The following AGBL1 variants were observed in gnomAD, a reference collection of about 807,000 sequenced individuals.
The protein encoded by AGBL1 is AGBL carboxypeptidase 1, also known as cytosolic carboxypeptidase 4.
AGBL1 carries 130 observed loss-of-function variants against 118.9 expected under a neutral mutation model. The ratio of observed to expected loss-of-function variants is 1.09; its 90% CI spans 0.95 to 1.26. The LOEUF is 1.26. Among genes scored for constraint, AGBL1 ranks in the 50% most tolerant of loss-of-function variants. AGBL1 has a pLI of 0.00. For missense variants in AGBL1, 1,584 were observed against 1,298.1 expected, an observed-to-expected ratio of 1.22 and a Z score of -3.38; for synonymous variants, 555 against 478.9, an observed-to-expected ratio of 1.16 and a Z score of -2.08.
chr15:86,997,639 A>G (rs1287266797), intron 24 of AGBL1, among the ~76,000 whole-genome samples: 8 of 152,090 alleles, frequency 5.3e-5, no homozygotes, highest in Admixed American at 2.6e-4. Flanking sequence ...TTTATGATTG[A>G]TTGATGTGCT....
intron 16 of AGBL1, among the ~76,000 whole-genome samples, chr15:86,290,851 C>A (rs1017850007): frequency 1.3e-5 from 2 of 151,922 alleles, no homozygotes; most frequent in African/African-American, 4.8e-5. Flanking sequence ...TCCCCCGACC[C>A]CACAACAGTC....
intron 17 of AGBL1, among the ~76,000 whole-genome samples, chr15:86,389,067 T>G (rs866115447): frequency 6.6e-5 from 10 of 152,194 alleles, no homozygotes; most frequent in Admixed American, 1.3e-4. Context: ...TAATAACTGA[T>G]ATAGCTTTTG....
chr15:86,679,370 A>G (rs1286181058), intron 22 of AGBL1, among the ~76,000 whole-genome samples: 1 of 152,034 alleles, frequency 6.6e-6, no homozygotes, highest in East Asian at 1.9e-4. Flanking sequence ...ATTTTTCACT[A>G]CATTGCTTCT....
chr15:86,183,666 C>T (rs1444389731), intron 5 of AGBL1, among the ~76,000 whole-genome samples: 1 of 152,126 alleles, frequency 6.6e-6, no homozygotes, highest in East Asian at 1.9e-4. Flanking sequence ...TTTCCTTGAA[C>T]TAATTTGTTT....
chr15:86,383,772 C>T (rs931707152), intron 17 of AGBL1, among the ~76,000 whole-genome samples: 14 of 152,118 alleles, frequency 9.2e-5, no homozygotes, highest in Admixed American at 3.3e-4. Flanking sequence ...AACTCTGTCC[C>T]GGAGCCCAGA....
intron 22 of AGBL1, among the ~76,000 whole-genome samples, chr15:86,784,162 T>A (rs1479921493): frequency 6.6e-6 from 1 of 152,174 alleles, no homozygotes; most frequent in East Asian, 1.9e-4. Flanking sequence ...ATGAGATAAC[T>A]TATATAGTAT....
At chr15:87,014,995 G>A (rs1294979472) in intron 24 of AGBL1, among the ~76,000 whole-genome samples, 5 of 152,184 alleles carry the variant, frequency 3.3e-5, no homozygotes, top group East Asian at 1.9e-4. Flanking sequence ...TGAAGATTGC[G>A]CTCAATGTGA....
In AGBL1 at chr15:87,006,583, C is replaced by T. The variant is rs1021826845; in HGVS notation, c.3323+18495C>T. ...GAGAGTGACCTGATTTTCCAGGTGT[C>T]ATCTGTCACAGCTTTGCTTGGCTAT... is the stretch of plus-strand genomic sequence containing the variant. On this transcript the variant is annotated intron_variant, in intron 24 of 24. Coordinates refer to the AGBL1 transcript ENST00000441037. Among the ~76,000 whole-genome samples, 9 of 152,270 alleles carry T rather than the reference C, an allele frequency of 5.9e-5. No individual in the cohort carries two copies. The East Asian group carries it at 7.7e-4, about 13-fold the overall frequency.
At chr15:86,143,893 G>C in intron 3 of AGBL1, 48 bp downstream of exon 3, 1 of 1,594,368 alleles carries the variant, frequency 6.3e-7, no homozygotes, top group Non-Finnish European at 8.5e-7. Context: ...CACTTCTAGG[G>C]TTGTTATCAT....
At chr15:86,602,276 T>A (rs546477351) in intron 21 of AGBL1, among the ~76,000 whole-genome samples, 25 of 152,188 alleles carry the variant, frequency 1.6e-4, no homozygotes, top group Non-Finnish European at 3.2e-4. Context: ...TCCTCCTTCA[T>A]AGAATTATTC....
chr15:86,358,246 A>T (rs1280538546), intron 17 of AGBL1, among the ~76,000 whole-genome samples: 1 of 151,988 alleles, frequency 6.6e-6, no homozygotes, highest in African/African-American at 2.4e-5. Flanking sequence ...TGAGTTAGAA[A>T]TTTTTACAGT....
chr15:86,960,062 G>A (rs1237757577), intron 23 of AGBL1, among the ~76,000 whole-genome samples: 1 of 152,084 alleles, frequency 6.6e-6, no homozygotes, highest in Non-Finnish European at 1.5e-5. Context: ...TTCAACTGAA[G>A]GCCTTTTGCT....
At chr15:86,214,460 G>T (rs545209835) in intron 5 of AGBL1, among the ~76,000 whole-genome samples, 1 of 152,178 alleles carries the variant, frequency 6.6e-6, no homozygotes, top group Non-Finnish European at 1.5e-5. Context: ...ACATATTGCA[G>T]TATAGGATTA....
intron 22 of AGBL1, among the ~76,000 whole-genome samples, chr15:86,750,843 A>G (rs1273463089): frequency 6.6e-6 from 1 of 151,766 alleles, no homozygotes; most frequent in Non-Finnish European, 1.5e-5. Flanking sequence ...CTATATGTTC[A>G]TGTGTTCTCA....
At chr15:86,111,220 G>T (rs1897360905) in intron 1 of AGBL1, among the ~76,000 whole-genome samples, 1 of 152,208 alleles carries the variant, frequency 6.6e-6, no homozygotes, top group African/African-American at 2.4e-5. Context: ...TTTACCTCTT[G>T]GCCTTTGATT....
intron 17 of AGBL1, among the ~76,000 whole-genome samples, chr15:86,395,416 G>T (rs2081348284): frequency 6.6e-6 from 1 of 151,970 alleles, no homozygotes; most frequent in South Asian, 2.1e-4. Flanking sequence ...TTTGGAAATG[G>T]CCTTACCTCT....
chr15:86,130,414 G>T (rs1208576235), intron 1 of AGBL1, among the ~76,000 whole-genome samples: 1 of 152,032 alleles, frequency 6.6e-6, no homozygotes. Flanking sequence ...GAACTGGAAG[G>T]AGCCTGAAAA....
At chr15:86,887,450 A>G (rs911544485) in intron 22 of AGBL1, among the ~76,000 whole-genome samples, 3 of 152,208 alleles carry the variant, frequency 2.0e-5, no homozygotes, top group African/African-American at 7.2e-5. Flanking sequence ...TGCGCAGTTT[A>G]TACCTGCACC....
At chr15:86,772,921 A>G (rs945872088) in intron 22 of AGBL1, among the ~76,000 whole-genome samples, 2 of 152,034 alleles carry the variant, frequency 1.3e-5, no homozygotes, top group Non-Finnish European at 1.5e-5. Context: ...CTGAAGAGAG[A>G]GGAAATGGAG....
Sources: gnomAD v4.1 joint callset for allele counts (sites outside exome capture counted in the v4.1 genomes callset) on GRCh38, gnomAD v4.1.1 for gene constraint, MANE v1.5 for transcripts, NCBI Gene and HGNC (gene_info 2026-07-23, HGNC 2026-07-21) for gene names.